Variants in MYO9B observed in about 807,000 individuals in gnomAD.
MYO9B encodes the protein myosin IXB, also known as unconventional myosin-IXb.
Under a neutral mutation model 229.5 loss-of-function variants are expected in MYO9B, and 71 were observed. The observed-to-expected ratio is 0.31, with a 90% CI of 0.26 to 0.38. The LOEUF (loss-of-function observed/expected upper bound fraction) is 0.38, where lower values mean the gene tolerates loss of function less well. Among genes scored for constraint, MYO9B ranks in the 10% least tolerant of loss-of-function variants. The pLI, the probability that MYO9B is intolerant of heterozygous loss-of-function variation, is 1.00. For missense variants in MYO9B, 2,255 were observed against 2,920.5 expected, an observed-to-expected ratio of 0.77 and a Z score of 5.25; for synonymous variants, 1,185 against 1,235.8, an observed-to-expected ratio of 0.96 and a Z score of 0.86.
In MYO9B at chr19:17,183,621, G is replaced by A. The variant is rs561794357; in HGVS notation, c.2334-208G>A. 5.5e-4 allele frequency: 307 copies of A among 556,652 alleles called. 5 individuals are homozygous for A. In the South Asian group the frequency reaches 6.9e-3, roughly 12 times the overall value. The allele number at this position is 556,652 out of a possible 1,614,324, so 34.5% of individuals were successfully genotyped here. On this transcript the variant is annotated intron_variant, in intron 15 of 39. Coordinates refer to ENST00000682292, the MANE Select transcript of MYO9B (RefSeq NM_004145.4). ...AGAGTCCGGGTGCCGCCAACCCAGG[G>A]AAACTGGTGTCCACAGACAGTGGCT...
In MYO9B at chr19:17,113,631, C is replaced by G. The variant is rs149609893; in HGVS notation, c.840+11074C>G. On this transcript the variant is annotated intron_variant, in intron 2 of 39. Transcript: ENST00000682292. ...CCTGACCGCAAGCTACTGAAGGTCC[C>G]TGAGGGGGGTGAGCTGGGCACCCCG... Among the ~76,000 whole-genome samples the G allele has an allele frequency of 4.8e-3, 731 of 152,232 alleles. 6 individuals are homozygous for G. Among genetic ancestry groups the G allele is most frequent in the Non-Finnish European group, 8.1e-3 (553 of 68,006 alleles).
chr19:17,200,601 G>C, intron 25 of MYO9B, 38 bp from the exon 26 acceptor site: 1 of 1,577,558 alleles, frequency 6.3e-7, no homozygotes, highest in Non-Finnish European at 8.6e-7. Context: ...TCCTCCCCCT[G>C]AACCCACCCT....
intron 1 of MYO9B, among the ~76,000 whole-genome samples, chr19:17,087,522 C>T (rs1451252124): frequency 6.6e-6 from 1 of 152,202 alleles, no homozygotes; most frequent in Non-Finnish European, 1.5e-5. Flanking sequence ...ACCCAGCTAC[C>T]TTCTGGCCTG....
intron 2 of MYO9B, among the ~76,000 whole-genome samples, chr19:17,120,819 T>C (rs942171514): frequency 2.6e-5 from 4 of 152,016 alleles, no homozygotes; most frequent in African/African-American, 4.8e-5. Context: ...ACAGCAGATA[T>C]AGAGCAGTTT....
intron 2 of MYO9B, among the ~76,000 whole-genome samples, chr19:17,142,576 T>C (rs1599364956): frequency 6.6e-6 from 1 of 151,960 alleles, no homozygotes; most frequent in Non-Finnish European, 1.5e-5. Flanking sequence ...GAGCCCAGAA[T>C]CCAGATCAGC....
At chr19:17,183,324 A>G (rs1459678605) in intron 15 of MYO9B, among the ~76,000 whole-genome samples, 1 of 152,132 alleles carries the variant, frequency 6.6e-6, no homozygotes, top group Non-Finnish European at 1.5e-5. Context: ...CTGCCAGCAG[A>G]GGGTTCCAGA....
chr19:17,133,063 G>A (rs1368358260), intron 2 of MYO9B, among the ~76,000 whole-genome samples: 3 of 151,700 alleles, frequency 2.0e-5, no homozygotes, highest in Non-Finnish European at 4.4e-5. Flanking sequence ...AGCCAGGATG[G>A]TCTCGATGTC....
chr19:17,199,612 C>G (rs1031844131), intron 24 of MYO9B, among the ~76,000 whole-genome samples: 1 of 151,848 alleles, frequency 6.6e-6, no homozygotes, highest in Non-Finnish European at 1.5e-5. Context: ...CTCTCAGGCT[C>G]AAGCGATTCT....
intron 1 of MYO9B, among the ~76,000 whole-genome samples, chr19:17,088,491 C>G (rs748439114): frequency 1.7e-4 from 26 of 152,308 alleles, no homozygotes; most frequent in Non-Finnish European, 2.9e-4. Flanking sequence ...GCCCTGCTGG[C>G]TCCCCCAGCT....
chr19:17,168,250 G>C (rs1355442805), intron 11 of MYO9B, among the ~76,000 whole-genome samples, 186 bp downstream of exon 11: 1 of 152,124 alleles, frequency 6.6e-6, no homozygotes, highest in Admixed American at 6.6e-5. Context: ...CTGCAGCCTT[G>C]ACCTCCTGGG....
At chr19:17,120,945 CTTG>C (rs1189146273) in intron 2 of MYO9B, among the ~76,000 whole-genome samples, 2 of 152,184 alleles carry the variant, frequency 1.3e-5, no homozygotes, top group African/African-American at 2.4e-5. Flanking sequence ...TCTGGGGTTT[CTTG>C]TTGTTGTTTT....
intron 1 of MYO9B, chr19:17,099,045 A>G (rs10403986): frequency 0.77 from 115,464 of 150,448 alleles, 44,824 homozygotes; most frequent in African/African-American, 0.87. Context: ...GGGAAGCCGA[A>G]GTGGGTGGAT....
chr19:17,139,748 T>C (rs1568269813), intron 2 of MYO9B, among the ~76,000 whole-genome samples: 3 of 149,748 alleles, frequency 2.0e-5, no homozygotes, highest in South Asian at 2.1e-4. Flanking sequence ...CAAAAAAACA[T>C]TGGATGAATG....
rs367913543 is a variant in MYO9B at position 17,202,180 on chromosome 19, C to A, written c.4713C>A (p.Ile1571=). The A allele has an allele frequency of 1.2e-6, 2 of 1,613,788 alleles. No homozygotes were observed. Among genetic ancestry groups the A allele is most frequent in the South Asian group, 2.2e-5 (2 of 91,058 alleles). The change falls in exon 28 of 40, where the codon ATC becomes ATA. Residue 1571 remains isoleucine (I), a synonymous_variant. Coordinates refer to ENST00000682292, the MANE Select transcript of MYO9B (RefSeq NM_004145.4). The part of the protein sequence containing the change: ...GYKDLMENYQ[I]VVSNLATERG... ...AGGATCTGATGGAGAACTACCAGAT[C>A]GTCGTCAGCAACCTGGCCACTGAGC... is the stretch of plus-strand genomic sequence containing the variant.
rs1161426379 is a variant in MYO9B, at chr19:17,212,932, G to C, written c.*622G>C. On this transcript the variant is annotated 3_prime_UTR_variant, in exon 40 of 40. Coordinates refer to ENST00000682292, the MANE Select transcript of MYO9B (RefSeq NM_004145.4). The surrounding 1 kb of genome is among the most constrained non-coding windows in gnomAD (Gnocchi z 5.4). ...GCACATGCTGGAACCTTCCATGGGG[G>C]TCTGGGCTATTGGCTGGAGCCAGGA... The C allele has an allele frequency of 6.6e-6, 1 of 152,258 alleles. No individual in the cohort carries two copies. Among genetic ancestry groups the C allele is most frequent in the Non-Finnish European group, 1.5e-5 (1 of 68,082 alleles). The allele number at this position is 152,258 out of a possible 1,614,324, so 9.4% of individuals were successfully genotyped here.
rs143268533 is a variant in MYO9B at position 17,189,786 on chromosome 19, G to A, written c.2689-1311G>A. Among the ~76,000 whole-genome samples, 286 of 151,908 alleles carry A rather than the reference G, an allele frequency of 1.9e-3. 2 individuals are homozygous for A. The highest frequency in any genetic ancestry group is 6.7e-3 in the African/African-American group (276 of 41,422). ...TTCTTAAGATTACAGACTGTTGGCT[G>A]GGCGCAGTGGCTCATGCTTGTAATC... On this transcript the variant is annotated intron_variant, in intron 19 of 39. Transcript: ENST00000682292.
chr19:17,159,338 T>A (rs1239860952), intron 7 of MYO9B, 57 bp from the exon 8 acceptor site: 1 of 1,468,314 alleles, frequency 6.8e-7, no homozygotes, highest in African/African-American at 1.4e-5. Flanking sequence ...TACCAGGACA[T>A]GCCTGATAAG....
intron 3 of MYO9B, among the ~76,000 whole-genome samples, chr19:17,146,705 G>A (rs2072415775): frequency 6.6e-6 from 1 of 152,156 alleles, no homozygotes; most frequent in African/African-American, 2.4e-5. Context: ...ATAGATTCAT[G>A]GGTAAATTGG....
At chr19:17,162,966 C>A (rs1205593618) in intron 9 of MYO9B, 22 bp from the exon 10 acceptor site, 3 of 1,604,990 alleles carry the variant, frequency 1.9e-6, no homozygotes, top group Non-Finnish European at 2.6e-6. Context: ...CGGGCAGTGA[C>A]CATTTTCTCT....
Sources: allele counts gnomAD v4.1 joint callset (sites outside exome capture counted in the v4.1 genomes callset), GRCh38; gene constraint gnomAD v4.1.1; non-coding constraint Gnocchi (gnomAD v3.1); transcripts MANE v1.5; gene names NCBI Gene and HGNC (gene_info 2026-07-23, HGNC 2026-07-21).